Variants in RCC1L observed in about 807,000 individuals in gnomAD.
RCC1L encodes the protein RCC1-like G exchanging factor-like protein.
In RCC1L, 46 loss-of-function variants were observed where a neutral mutation model predicts 58.6. The observed-to-expected ratio is 0.79, with a 90% CI of 0.62 to 1.00. RCC1L has a LOEUF of 1.00. RCC1L is among the 50% of genes least tolerant of loss of function. RCC1L has a pLI of 0.00. For missense variants in RCC1L, 636 were observed against 623.6 expected, an observed-to-expected ratio of 1.02 and a Z score of -0.21; for synonymous variants, 281 against 262.9, an observed-to-expected ratio of 1.07 and a Z score of -0.67.
chr7:75,041,372 G>A (rs987723309), downstream of RCC1L, among the ~76,000 whole-genome samples: 151 of 152,132 alleles, frequency 9.9e-4, no homozygotes, highest in African/African-American at 2.8e-3. Flanking sequence ...TTCACGGTGC[G>A]GGGATTTTTG....
At chr7:75,058,882 A>T (rs1383136271) in intron 6 of RCC1L, 113 bp from the exon 7 acceptor site, 16 of 1,362,154 alleles carry the variant, frequency 1.2e-5, no homozygotes, top group Non-Finnish European at 1.5e-5. Flanking sequence ...TCAGCTCAGA[A>T]ATCCCAGTCT....
chr7:75,054,289 C>A (rs1467663449), intron 9 of RCC1L, among the ~76,000 whole-genome samples: 7 of 152,094 alleles, frequency 4.6e-5, no homozygotes, highest in African/African-American at 1.7e-4. Flanking sequence ...CTCTAATTCC[C>A]AGATGGCTAT....
intron 2 of RCC1L, among the ~76,000 whole-genome samples, chr7:75,067,821 G>T (rs77064652): frequency 1.3e-5 from 2 of 151,798 alleles, no homozygotes; most frequent in African/African-American, 4.8e-5. Context: ...CTCCAGCATG[G>T]GTGACAGGGC....
rs587762246 is a variant in RCC1L, at chr7:75,073,761, C to A, written c.-24G>T. ...ATCCTCCGTTCCGCGCCTCAGCAGC[C>A]TCTGGGCGCCGCCATCTTGCGTGAC... is the stretch of plus-strand genomic sequence containing the variant. On this transcript the variant is annotated 5_prime_UTR_variant, in exon 1 of 11. It adds an upstream start codon to the 5' untranslated region. Coordinates refer to ENST00000610322, the MANE Select transcript of RCC1L (RefSeq NM_030798.5). 6.7e-7 allele frequency: 1 copy of A among 1,495,520 alleles called. No individual in the cohort carries two copies. The highest frequency in any genetic ancestry group is 8.8e-7 in the Non-Finnish European group (1 of 1,130,400). The allele number at this position is 1,495,520 out of a possible 1,614,324, so 92.6% of individuals were successfully genotyped here.
chr7:75,048,493 C>T (rs1018988779), intron 10 of RCC1L, among the ~76,000 whole-genome samples: 6 of 152,230 alleles, frequency 3.9e-5, no homozygotes, highest in African/African-American at 1.2e-4. Flanking sequence ...CAAGCCCCTT[C>T]GCTCCTGACT....
At chr7:75,059,417 C>T (rs1311592329) in intron 6 of RCC1L, among the ~76,000 whole-genome samples, 3 of 151,342 alleles carry the variant, frequency 2.0e-5, no homozygotes, top group South Asian at 2.1e-4. Flanking sequence ...ATTACAGGCA[C>T]GCACCACCAC....
chr7:75,032,324 C>A (rs1486882605), intron 10 of RCC1L, among the ~76,000 whole-genome samples: 2 of 152,150 alleles, frequency 1.3e-5, no homozygotes, highest in African/African-American at 4.8e-5. Flanking sequence ...AAACCTAGAG[C>A]CTTGCCATGG....
In RCC1L at chr7:75,055,941, G is replaced by A. The variant is rs1292686971; in HGVS notation, c.1191C>T (p.Ser397=). Reference sequence around the variant, plus strand: ...AGTGGCTGAGTCCACATCGGATGCGGGAAACCTGGATTTCTGGGTTGAACT... The same window carrying A: ...AGTGGCTGAGTCCACATCGGATGCGAGAAACCTGGATTTCTGGGTTGAACT... ...LTEFNPEIQV[S]RIRCGLSHFA... is the part of the protein sequence containing the mutation. The change falls in exon 9 of 11, where the codon TCC becomes TCT. Residue 397 remains serine, a synonymous_variant. Coordinates refer to ENST00000610322, the MANE Select transcript of RCC1L (RefSeq NM_030798.5). 6.2e-7 allele frequency: 1 copy of A among 1,613,846 alleles called. No individual in the cohort carries two copies. The highest frequency in any genetic ancestry group is 1.7e-5 in the Admixed American group (1 of 59,984).
At chr7:75,056,152 CCAAGGTTTATGACATCCA>C in intron 8 of RCC1L, 78 bp from the exon 9 acceptor site, 1 of 1,548,730 alleles carries the variant, frequency 6.5e-7, no homozygotes. Context: ...AACTACACCA[CCAAGGTTTATGACATCCA>C]CACGGTTTTT....
intron 2 of RCC1L, among the ~76,000 whole-genome samples, chr7:75,067,367 G>A (rs1030990669): frequency 2.6e-5 from 4 of 152,010 alleles, no homozygotes; most frequent in Non-Finnish European, 4.4e-5. Flanking sequence ...AGTGGCTCAT[G>A]CCTGTAATCC....
chr7:75,055,603 G>A (rs587613093), intron 9 of RCC1L: 2 of 419,180 alleles, frequency 4.8e-6, no homozygotes, highest in South Asian at 2.2e-5. Flanking sequence ...TCCAGCACCC[G>A]ACGTACTAGC....
downstream of RCC1L, among the ~76,000 whole-genome samples, chr7:75,041,791 G>A (rs1008831200): frequency 6.6e-6 from 1 of 151,638 alleles, no homozygotes; most frequent in Non-Finnish European, 1.5e-5. Context: ...TTGAACCCAG[G>A]GGGTGGAGGT....
intron 5 of RCC1L, among the ~76,000 whole-genome samples, chr7:75,062,409 G>A (rs892262891): frequency 1.3e-5 from 2 of 152,166 alleles, no homozygotes; most frequent in Non-Finnish European, 2.9e-5. Context: ...TACACAGGGG[G>A]CTGAGGCAAG....
rs782092895 is a variant in RCC1L at position 75,070,724 on chromosome 7, T to C, written c.370A>G (p.Lys124Glu). The change falls in exon 2 of 11, where the codon AAG (lysine) becomes GAG (glutamate). Residue 124 changes from lysine to glutamate, a missense_variant. By Grantham distance (56) the Lys-to-Glu change is moderately conservative (BLOSUM62 1). Coordinates refer to ENST00000610322, the MANE Select transcript of RCC1L (RefSeq NM_030798.5). Reference sequence around the variant, plus strand: ...CAGACTTTCGTAACATCCGCAGTCTTAGAGGACAGCAGTGTGAATCCATAG... The same window carrying C: ...CAGACTTTCGTAACATCCGCAGTCTCAGAGGACAGCAGTGTGAATCCATAG... Reference protein sequence around the residue: ...CGYGFTLLSSKTADVTKVWGM... With the variant: ...CGYGFTLLSSETADVTKVWGM... 3.1e-6 allele frequency: 5 copies of C among 1,614,116 alleles called. No homozygotes were observed. In the Admixed American group the frequency reaches 5.0e-5, roughly 16 times the overall value.
At chr7:75,064,303 C>T (rs1806379451) in intron 4 of RCC1L, among the ~76,000 whole-genome samples, 1 of 149,660 alleles carries the variant, frequency 6.7e-6, no homozygotes, top group Non-Finnish European at 1.5e-5. Flanking sequence ...GCACTCTGGC[C>T]TGGCGACAGA....
chr7:75,037,527 C>G (rs1229293770), downstream of RCC1L, among the ~76,000 whole-genome samples: 2 of 143,284 alleles, frequency 1.4e-5, no homozygotes, highest in African/African-American at 5.2e-5. Context: ...TTTTGGGAGA[C>G]GGAGTCTCGG....
At position 75,056,174 on chromosome 7, in the gene RCC1L, G is replaced by A. The variant is rs1206705806; in HGVS notation, c.1058-100C>T. On this transcript the variant is annotated intron_variant, in intron 8 of 10. Transcript: ENST00000610322. Reference sequence around the variant, plus strand: ...CCACCAAGGTTTATGACATCCACACGGTTTTTTTTTGTTTTTTTTTTGTTT... The same window carrying A: ...CCACCAAGGTTTATGACATCCACACAGTTTTTTTTTGTTTTTTTTTTGTTT... 43 of 1,417,930 alleles carry A rather than the reference G, an allele frequency of 3.0e-5. No individual in the cohort carries two copies. In the South Asian group the frequency reaches 3.7e-4, roughly 12 times the overall value. 87.8% of individuals were successfully genotyped at this position (1,417,930 alleles called of 1,614,324 possible).
At chr7:75,034,430 C>T (rs1035887176) in intron 10 of RCC1L, among the ~76,000 whole-genome samples, 11 of 152,236 alleles carry the variant, frequency 7.2e-5, no homozygotes, top group African/African-American at 1.9e-4. Context: ...GCAGGAGAAT[C>T]GCTTGAACCA....
chr7:75,028,332 G>A (rs1346952920), intron 10 of RCC1L, among the ~76,000 whole-genome samples: 2 of 151,984 alleles, frequency 1.3e-5, no homozygotes, highest in East Asian at 1.9e-4. Flanking sequence ...TGTTGGCCAC[G>A]CTGGTCTTGA....
Sources: allele counts gnomAD v4.1 joint callset (sites outside exome capture counted in the v4.1 genomes callset), GRCh38; gene constraint gnomAD v4.1.1; transcripts MANE v1.5; gene names NCBI Gene and HGNC (gene_info 2026-07-23, HGNC 2026-07-21).